The following FAM118B variants were observed in gnomAD, a reference collection of about 807,000 sequenced individuals.
FAM118B encodes the protein SIR2 antiphage like 1, also known as protein FAM118B.
Under a neutral mutation model 38.5 loss-of-function variants are expected in FAM118B, and 24 were observed. That is an observed-to-expected ratio of 0.62 (90% CI 0.45 to 0.88). FAM118B has a LOEUF of 0.88. Among genes scored for constraint, FAM118B ranks in the 40% least tolerant of loss-of-function variants. FAM118B has a pLI of 0.00. For synonymous variants in FAM118B, 138 were observed against 156.3 expected (o/e 0.88, Z 0.87); for missense variants, 334 against 420.0 (o/e 0.80, Z 1.79).
intron 7 of FAM118B, among the ~76,000 whole-genome samples, chr11:126,258,289 A>G (rs1206970394): frequency 2.0e-5 from 3 of 152,250 alleles, no homozygotes; most frequent in African/African-American, 7.2e-5. Context: ...TGGGAGGTTG[A>G]GGCAGGAGGA....
Position 126,262,099 on chromosome 11 carries a change from CTCTTT to C in FAM118B, c.1043-15_1043-11del. 2 of 1,613,814 alleles carry C rather than the reference CTCTTT, an allele frequency of 1.2e-6. No individual in the cohort carries two copies. Among genetic ancestry groups the C allele is most frequent in the Non-Finnish European group, 1.7e-6 (2 of 1,179,834 alleles). ...CTGTTTTGTGAAACTTCATTTTGTT[CTCTTT>C]TCTTTCTCCCTACAGGCTGTAGTAC... On this transcript the variant is annotated splice_polypyrimidine_tract_variant and intron_variant, in intron 8 of 8. Coordinates refer to ENST00000533050, the MANE Select transcript of FAM118B (RefSeq NM_024556.4).
At position 126,262,155 on chromosome 11, in the gene FAM118B, C is replaced by T. The variant is rs768320146; in HGVS notation, c.*22C>T. On this transcript the variant is annotated 3_prime_UTR_variant, in exon 9 of 9. Transcript: ENST00000533050. The stretch of plus-strand genomic sequence containing the variant: ...ATGAGCGAGCTAGAGAAATCACCAC[C>T]GTTTAGACCAAGCTGTAAGGCCCTA... 2.2e-5 allele frequency: 35 copies of T among 1,613,216 alleles called. No individual in the cohort carries two copies. Among genetic ancestry groups the T allele is most frequent in the Admixed American group, 1.0e-4 (6 of 59,960 alleles).
chr11:126,261,571 T>C, intron 8 of FAM118B, 87 bp downstream of exon 8: 1 of 1,138,276 alleles, frequency 8.8e-7, no homozygotes, highest in South Asian at 1.3e-5. Context: ...AATGTTACTT[T>C]GGACCTCACA....
Position 126,262,659 on chromosome 11 carries a change from C to A in FAM118B, c.*526C>A, listed in dbSNP as rs1383243098. On this transcript the variant is annotated 3_prime_UTR_variant, in exon 9 of 9. Transcript: ENST00000533050. ...GCTTGTTCATTTACTTGCCAGGACCCTGGCTCTACTTTTAGAGTCATTGTA... is the reference window on the plus strand; with the variant it reads ...GCTTGTTCATTTACTTGCCAGGACCATGGCTCTACTTTTAGAGTCATTGTA... The A allele has an allele frequency of 6.5e-6, 1 of 152,950 alleles. No homozygotes were observed. The highest frequency in any genetic ancestry group is 6.5e-5 in the Admixed American group (1 of 15,294). 9.5% of individuals were successfully genotyped at this position (152,950 alleles called of 1,614,324 possible).
chr11:126,214,512 T>TTTTTTTTTTTTTTTTTTTTTTTTTTTTTC (rs1949951041), intron 1 of FAM118B: 1 of 44,686 alleles, frequency 2.2e-5, no homozygotes, highest in Non-Finnish European at 4.8e-5. Context: ...TGTTTTTTTT[T>TTTTTTTTTTTTTTTTTTTTTTTTTTTTTC]TGTTTTTTTT....
chr11:126,226,950 CA>C (rs11320787), intron 1 of FAM118B, among the ~76,000 whole-genome samples: 86,156 of 121,418 alleles, frequency 0.71, 27,937 homozygotes, highest in Middle Eastern at 0.8. Context: ...AGACCCCGTC[CA>C]AAAAAAAAAA....
intron 1 of FAM118B, among the ~76,000 whole-genome samples, chr11:126,215,463 C>T (rs941185979): frequency 1.3e-5 from 2 of 152,104 alleles, no homozygotes; most frequent in Non-Finnish European, 2.9e-5. Context: ...CTTTGGGAGG[C>T]CGAGGTGGGC....
intron 4 of FAM118B, among the ~76,000 whole-genome samples, chr11:126,246,997 CA>C (rs1397102527): frequency 2.0e-5 from 3 of 152,206 alleles, no homozygotes; most frequent in Admixed American, 6.5e-5. Context: ...TATCTCTACA[CA>C]AATTTTAAAA....
chr11:126,254,415 C>G lies in FAM118B; in HGVS notation c.678C>G (p.Leu226=). ...ATCCGGCTGGATATCAGAACGTGCT[C>G]AGGAACACTGAAGTCATGGTGAGTG... ...VLHPAGYQNV[L]RNTEVMREIQ... The change falls in exon 6 of 9, where the codon CTC becomes CTG. Residue 226 remains leucine, a synonymous_variant. Transcript: ENST00000533050. 6.2e-7 allele frequency: 1 copy of G among 1,614,174 alleles called. No individual in the cohort carries two copies. Among genetic ancestry groups the G allele is most frequent in the Non-Finnish European group, 8.5e-7 (1 of 1,180,020 alleles).
intron 5 of FAM118B, among the ~76,000 whole-genome samples, chr11:126,251,731 CT>C (rs1253065266): frequency 3.0e-3 from 407 of 137,376 alleles, no homozygotes; most frequent in African/African-American, 4.3e-3. Flanking sequence ...TAACTTGCAG[CT>C]TTTTTTTTTT....
At chr11:126,261,374 A>C in intron 7 of FAM118B, 51 bp from the exon 8 acceptor site, 9 of 1,499,358 alleles carry the variant, frequency 6.0e-6, no homozygotes, top group Non-Finnish European at 8.4e-6. Context: ...TTTTGCTATT[A>C]ATAGTTTTAG....
chr11:126,219,349 C>CTTTTTTTT lies in FAM118B; in HGVS notation c.-77+7552_-77+7559dup, dbSNP rs549922825. 2.2e-3 allele frequency among the ~76,000 whole-genome samples: 96 copies of CTTTTTTTT among 44,464 alleles called. 8 individuals are homozygous for CTTTTTTTT. Among genetic ancestry groups the CTTTTTTTT allele is most frequent in the African/African-American group, 3.1e-3 (30 of 9,758 alleles). The allele number at this position is 44,464 out of a possible 152,430, so 29.2% of individuals were successfully genotyped here. A position where few individuals can be genotyped will look rare whatever the true frequency, so the allele number is the denominator to read the frequency against. ...AGCTTATCCTTCAGCTCTTGTTTAT[C>CTTTTTTTT]TTTTTTTTTTTTTTTTTTTTTTTTT... On this transcript the variant is annotated intron_variant, in intron 1 of 8. Transcript: ENST00000533050.
chr11:126,211,750 T>A, upstream of FAM118B: 2 of 1,265,136 alleles, frequency 1.6e-6, no homozygotes, highest in Non-Finnish European at 2.2e-6. Context: ...CCTGGGCGAG[T>A]CACGTGGGGA....
chr11:126,229,156 C>G (rs1950178437), intron 1 of FAM118B, 69 bp from the exon 2 acceptor site: 1 of 152,030 alleles, frequency 6.6e-6, no homozygotes, highest in Admixed American at 6.6e-5. Flanking sequence ...GATCATACTA[C>G]TTGATCTATG....
Position 126,262,240 on chromosome 11 carries a change from C to T in FAM118B, c.*107C>T. 7.9e-7 allele frequency: 1 copy of T among 1,262,166 alleles called. No individual in the cohort carries two copies. The highest frequency in any genetic ancestry group is 1.1e-6 in the Non-Finnish European group (1 of 870,244). The allele number at this position is 1,262,166 out of a possible 1,614,324, so 78.2% of individuals were successfully genotyped here. On this transcript the variant is annotated 3_prime_UTR_variant, in exon 9 of 9. Transcript: ENST00000533050. ...ACCCAACACAATTCCCAGAAAGTAA[C>T]AATAGCCAGAGGTTGAAGGGCGGGG...
chr11:126,247,857 C>CA (rs35290990), intron 4 of FAM118B, among the ~76,000 whole-genome samples: 27,663 of 124,854 alleles, frequency 0.22, 3,671 homozygotes, highest in East Asian at 0.63. Context: ...GACTCCATCT[C>CA]AAAAAAAAAA....
chr11:126,219,449 G>A (rs996282095), intron 1 of FAM118B, among the ~76,000 whole-genome samples: 4 of 130,298 alleles, frequency 3.1e-5, no homozygotes, highest in Admixed American at 9.1e-5. Context: ...CTGCAGCCTC[G>A]ACCTCCTGGG....
At chr11:126,251,261 AATGAG>A in intron 5 of FAM118B, among the ~76,000 whole-genome samples, 2 of 152,216 alleles carry the variant, frequency 1.3e-5, no homozygotes, top group Non-Finnish European at 1.5e-5. Flanking sequence ...TGTGTCAGCT[AATGAG>A]ATGAGTTCTT....
intron 1 of FAM118B, among the ~76,000 whole-genome samples, chr11:126,217,531 A>AT: frequency 6.6e-6 from 1 of 151,906 alleles, no homozygotes; most frequent in Non-Finnish European, 1.5e-5. Context: ...CCTACTGTTA[A>AT]TTTTTTTCCC....
Sources: allele counts gnomAD v4.1 joint callset (sites outside exome capture counted in the v4.1 genomes callset), GRCh38; gene constraint gnomAD v4.1.1; transcripts MANE v1.5; gene names NCBI Gene and HGNC (gene_info 2026-07-23, HGNC 2026-07-21).